The following RGS22 variants were observed in gnomAD, a reference collection of about 807,000 sequenced individuals.
RGS22 encodes the protein regulator of G-protein signaling 22.
Under a neutral mutation model 172.9 loss-of-function variants are expected in RGS22, and 148 were observed. The observed-to-expected ratio is 0.86, with a 90% confidence interval of 0.75 to 0.98. The LOEUF (loss-of-function observed/expected upper bound fraction) is 0.98, where lower values mean the gene tolerates loss of function less well. RGS22 is among the 50% of genes least tolerant of loss of function. RGS22 has a pLI of 0.00. For missense variants in RGS22, 1,347 were observed against 1,440.8 expected (o/e 0.93, Z 1.05); for synonymous variants, 458 against 480.2 (o/e 0.95, Z 0.60).
intron 9 of RGS22, among the ~76,000 whole-genome samples, chr8:100,059,746 T>C (rs945040782): frequency 1.8e-4 from 27 of 152,238 alleles, no homozygotes; most frequent in African/African-American, 6.5e-4. Flanking sequence ...GAGAGAAAAA[T>C]AACAAAGAAA....
intron 23 of RGS22, among the ~76,000 whole-genome samples, chr8:99,971,911 T>C (rs114128465): frequency 0.027 from 4,103 of 152,196 alleles, 159 homozygotes; most frequent in African/African-American, 0.092. Flanking sequence ...TTAAGGTTCC[T>C]ATGGAACCAA....
chr8:100,094,658 C>T (rs1289286646), intron 2 of RGS22, among the ~76,000 whole-genome samples: 1 of 152,210 alleles, frequency 6.6e-6, no homozygotes, highest in Non-Finnish European at 1.5e-5. Context: ...ACCTTAGTAG[C>T]ATGTGCTCAA....
In RGS22 at chr8:100,106,030, G is replaced by A; in HGVS notation, c.-109C>T. ...GACGCGGCGACGGCGCGCGGGCTCCGGAGCTACGCTGGCTAGCGTGGCCGG... is the reference window on the plus strand; with the variant it reads ...GACGCGGCGACGGCGCGCGGGCTCCAGAGCTACGCTGGCTAGCGTGGCCGG... On this transcript the variant is annotated 5_prime_UTR_variant, in exon 1 of 28. Transcript: ENST00000360863. 2.5e-6 allele frequency: 3 copies of A among 1,187,190 alleles called. No homozygotes were observed. Among genetic ancestry groups the A allele is most frequent in the Non-Finnish European group, 2.1e-6 (2 of 960,036 alleles). The allele number at this position is 1,187,190 out of a possible 1,614,324, so 73.5% of individuals were successfully genotyped here.
chr8:99,978,704 T>C (rs1051221628), intron 22 of RGS22, among the ~76,000 whole-genome samples: 1 of 152,228 alleles, frequency 6.6e-6, no homozygotes, highest in African/African-American at 2.4e-5. Flanking sequence ...GTGATATTTA[T>C]AGAGATAAGA....
intron 14 of RGS22, among the ~76,000 whole-genome samples, chr8:100,035,277 C>T (rs1376707461): frequency 6.6e-6 from 1 of 152,002 alleles, no homozygotes; most frequent in Non-Finnish European, 1.5e-5. Context: ...AACAAACAAC[C>T]CCATCAAAAA....
chr8:99,965,674 T>A (rs956912710), intron 23 of RGS22, among the ~76,000 whole-genome samples: 1 of 152,138 alleles, frequency 6.6e-6, no homozygotes, highest in African/African-American at 2.4e-5. Context: ...AATGTAAAAA[T>A]CATTCCCAAA....
chr8:100,025,320 A>T (rs533633036), intron 14 of RGS22, among the ~76,000 whole-genome samples: 1 of 152,332 alleles, frequency 6.6e-6, no homozygotes, highest in South Asian at 2.1e-4. Flanking sequence ...CTGGTAACAA[A>T]AACAAATAAT....
chr8:99,999,598 C>T (rs559725082), intron 18 of RGS22, among the ~76,000 whole-genome samples, 178 bp from the exon 19 acceptor site: 18 of 152,252 alleles, frequency 1.2e-4, no homozygotes, highest in African/African-American at 4.1e-4. Context: ...ATCAGACAGA[C>T]AATTGTGGTT....
At chr8:100,097,695 C>T (rs1404029795) in intron 2 of RGS22, among the ~76,000 whole-genome samples, 5 of 152,178 alleles carry the variant, frequency 3.3e-5, no homozygotes, top group African/African-American at 1.2e-4. Flanking sequence ...AGCATCGTTG[C>T]CTCTAGAATA....
At chr8:99,985,413 T>C (rs1431862618) in intron 21 of RGS22, among the ~76,000 whole-genome samples, 1 of 152,192 alleles carries the variant, frequency 6.6e-6, no homozygotes, top group Admixed American at 6.6e-5. Flanking sequence ...CATGGCCCAA[T>C]GCAAGTGTCA....
intron 15 of RGS22, among the ~76,000 whole-genome samples, chr8:100,006,694 A>C (rs1815758152): frequency 6.6e-6 from 1 of 152,200 alleles, no homozygotes; most frequent in Non-Finnish European, 1.5e-5. Flanking sequence ...AACTTTCTTT[A>C]TTTAATAGCT....
At chr8:99,962,521 G>A (rs1209957694) in intron 26 of RGS22, 78 bp from the exon 27 acceptor site, 2 of 1,508,128 alleles carry the variant, frequency 1.3e-6, no homozygotes, top group South Asian at 1.1e-5. Flanking sequence ...ACAGAGAGAA[G>A]CAGGACTCAC....
intron 14 of RGS22, among the ~76,000 whole-genome samples, chr8:100,038,086 A>T (rs1410182101): frequency 6.6e-6 from 1 of 152,238 alleles, no homozygotes; most frequent in Non-Finnish European, 1.5e-5. Context: ...AGCATTGTTC[A>T]GGGGGAGGTC....
chr8:99,988,826 G>A (rs1300229804), intron 20 of RGS22, among the ~76,000 whole-genome samples: 1 of 152,108 alleles, frequency 6.6e-6, no homozygotes, highest in Non-Finnish European at 1.5e-5. Flanking sequence ...CACTATTTTA[G>A]TGAGACACAT....
intron 9 of RGS22, among the ~76,000 whole-genome samples, chr8:100,058,909 C>T (rs1031337573): frequency 2.6e-5 from 4 of 152,088 alleles, no homozygotes; most frequent in Admixed American, 1.3e-4. Context: ...AGTAGAAAGA[C>T]TAAACAATGA....
intron 14 of RGS22, among the ~76,000 whole-genome samples, chr8:100,021,840 A>G (rs574742948): frequency 6.6e-6 from 1 of 152,158 alleles, no homozygotes; most frequent in African/African-American, 2.4e-5. Context: ...GCTGTGATAC[A>G]GGATACTTTC....
intron 14 of RGS22, among the ~76,000 whole-genome samples, chr8:100,009,024 T>A (rs1343866766): frequency 6.6e-6 from 1 of 152,164 alleles, no homozygotes; most frequent in Admixed American, 6.6e-5. Flanking sequence ...CCTACCAAAT[T>A]GAGCTGCAGA....
intron 1 of RGS22, 189 bp from the exon 2 acceptor site, chr8:100,105,591 G>A (rs1449970892): frequency 1.6e-6 from 1 of 616,978 alleles, no homozygotes; most frequent in Non-Finnish European, 2.9e-6. Context: ...GGGAAGGAAA[G>A]GCCTCTGGAA....
At chr8:100,099,359 A>G (rs1813285316) in intron 2 of RGS22, among the ~76,000 whole-genome samples, 1 of 152,230 alleles carries the variant, frequency 6.6e-6, no homozygotes, top group Non-Finnish European at 1.5e-5. Context: ...CATTTAAAGC[A>G]GAGAGTATCT....
Sources: gnomAD v4.1 joint callset for allele counts (sites outside exome capture counted in the v4.1 genomes callset) on GRCh38, gnomAD v4.1.1 for gene constraint, MANE v1.5 for transcripts, NCBI Gene and HGNC (gene_info 2026-07-23, HGNC 2026-07-21) for gene names.